ATP2B2: variants seen among roughly 807,000 people sequenced by gnomAD.
The protein encoded by ATP2B2 is plasma membrane calcium-transporting ATPase 2.
A neutral mutation model predicts 120.0 loss-of-function variants in ATP2B2; 15 were observed. The observed-to-expected ratio is 0.12, with a 90% CI of 0.08 to 0.19. ATP2B2 has a LOEUF of 0.19. Ranked by LOEUF, ATP2B2 falls within the 10% of genes least tolerant of loss-of-function variation. The probability of loss-of-function intolerance (pLI) is 1.00; values close to 1 mark genes in which losing one functional copy is unlikely to be tolerated. For synonymous variants in ATP2B2, 694 were observed against 700.3 expected, an observed-to-expected ratio of 0.99 and a Z score of 0.14; for missense variants, 1,045 against 1,719.8, an observed-to-expected ratio of 0.61 and a Z score of 6.94.
chr3:10,326,698 A>T lies in ATP2B2; in HGVS notation c.*2116T>A, dbSNP rs1418951620. On this transcript the variant is annotated 3_prime_UTR_variant, in exon 23 of 23. Transcript: ENST00000360273. ...GTTATGCAGTTCCTCTCCTGGATACATTCAGAGATACTTCTTCACGACATT... is the reference window on the plus strand; with the variant it reads ...GTTATGCAGTTCCTCTCCTGGATACTTTCAGAGATACTTCTTCACGACATT... 2.5e-6 allele frequency: 1 copy of T among 398,924 alleles called. No homozygotes were observed. The highest frequency in any genetic ancestry group is 2.1e-5 in the African/African-American group (1 of 48,612). The allele number at this position is 398,924 out of a possible 1,614,324, so 24.7% of individuals were successfully genotyped here. A position where few individuals can be genotyped will look rare whatever the true frequency, so the allele number is the denominator to read the frequency against.
intron 2 of ATP2B2, among the ~76,000 whole-genome samples, chr3:10,556,585 GAGA>G (rs1244133294): frequency 6.6e-6 from 1 of 152,180 alleles, no homozygotes; most frequent in East Asian, 1.9e-4. Context: ...CAGATGTTTG[GAGA>G]AGAAGGCTCC....
chr3:10,480,148 G>A lies in ATP2B2; in HGVS notation c.-320+25317C>T, dbSNP rs116739510. 5.6e-3 allele frequency among the ~76,000 whole-genome samples: 851 copies of A among 152,252 alleles called. 11 individuals are homozygous for A. Among genetic ancestry groups the A allele is most frequent in the Admixed American group, 0.015 (228 of 15,300 alleles). On this transcript the variant is annotated intron_variant, in intron 1 of 22. Coordinates refer to ENST00000360273, the MANE Select transcript of ATP2B2 (RefSeq NM_001001331.4). Reference sequence around the variant, plus strand: ...TTCTCAGATCCCTTGGAACTATAACGTTCTCCAGGGGGAAGGGTGTATTCA... The same window carrying A: ...TTCTCAGATCCCTTGGAACTATAACATTCTCCAGGGGGAAGGGTGTATTCA...
intron 2 of ATP2B2, among the ~76,000 whole-genome samples, chr3:10,536,329 G>A (rs2067313961): frequency 7.1e-6 from 1 of 139,908 alleles, no homozygotes; most frequent in Admixed American, 7.1e-5. Context: ...CCTTGTCACA[G>A]GATTTTTTTT....
chr3:10,394,351 T>A, intron 5 of ATP2B2: 1 of 448,338 alleles, frequency 2.2e-6, no homozygotes, highest in East Asian at 7.1e-5. Flanking sequence ...AGGCAAAGTG[T>A]CCCCCTCACA....
rs1337317943 is a variant in ATP2B2, at chr3:10,346,426, C to T, written c.2405-289G>A. On this transcript the variant is annotated intron_variant, in intron 16 of 22. Transcript: ENST00000360273. This position sits in a 1 kb window ranked among gnomAD's most constrained non-coding sequence, Gnocchi z 4.1. ...CTGCAACCTGTGGCCACATTGGCATCCATCCTAACCAGAAACACTGTATCC... is the reference window on the plus strand; with the variant it reads ...CTGCAACCTGTGGCCACATTGGCATTCATCCTAACCAGAAACACTGTATCC... Among the ~76,000 whole-genome samples the T allele has an allele frequency of 6.6e-6, 1 of 152,232 alleles. No individual in the cohort carries two copies. Among genetic ancestry groups the T allele is most frequent in the Non-Finnish European group, 1.5e-5 (1 of 68,032 alleles).
chr3:10,545,991 G>A (rs112703974), intron 2 of ATP2B2, among the ~76,000 whole-genome samples: 2,522 of 152,324 alleles, frequency 0.017, 25 homozygotes, highest in Middle Eastern at 0.085. Flanking sequence ...TGCAAAACAA[G>A]ATATAAGGGG....
At position 10,328,429 on chromosome 3, in the gene ATP2B2, A is replaced by G. The variant is rs1213133818; in HGVS notation, c.*385T>C. Reference sequence around the variant, plus strand: ...TAAGAAAACAAACAAACAAACAAAAACCCCTCCCCAACCCCCAAAAACCAA... The same window carrying G: ...TAAGAAAACAAACAAACAAACAAAAGCCCCTCCCCAACCCCCAAAAACCAA... On this transcript the variant is annotated 3_prime_UTR_variant, in exon 23 of 23. Transcript: ENST00000360273. 1 of 199,766 alleles carries G rather than the reference A, an allele frequency of 5.0e-6. No individual in the cohort carries two copies. The highest frequency in any genetic ancestry group is 5.3e-5 in the Admixed American group (1 of 18,838). The allele number at this position is 199,766 out of a possible 1,614,324, so 12.4% of individuals were successfully genotyped here.
chr3:10,379,915 C>G (rs1223005918), intron 8 of ATP2B2, among the ~76,000 whole-genome samples: 4 of 152,104 alleles, frequency 2.6e-5, no homozygotes, highest in Non-Finnish European at 5.9e-5. Flanking sequence ...GAGTGTGAAG[C>G]CACCCAAGGA....
At chr3:10,536,684 G>A (rs1328877019) in intron 2 of ATP2B2, among the ~76,000 whole-genome samples, 1 of 152,010 alleles carries the variant, frequency 6.6e-6, no homozygotes, top group Non-Finnish European at 1.5e-5. Flanking sequence ...GCACCACTAT[G>A]CCCAGCTAAT....
chr3:10,442,904 G>A lies in ATP2B2; in HGVS notation c.199+6441C>T, dbSNP rs1379096106. ...GACCCTATGAAAGAGGCACTGTTAT[G>A]ACCTCATGTTACAGATGAAGAAACT... On this transcript the variant is annotated intron_variant, in intron 2 of 22. Transcript: ENST00000360273. Among the ~76,000 whole-genome samples, 3 of 152,322 alleles carry A rather than the reference G, an allele frequency of 2.0e-5. No homozygotes were observed. The East Asian group carries it at 5.8e-4, about 29-fold the overall frequency.
At chr3:10,421,124 C>T (rs1308865251) in intron 2 of ATP2B2, among the ~76,000 whole-genome samples, 2 of 152,156 alleles carry the variant, frequency 1.3e-5, no homozygotes, top group East Asian at 1.9e-4. Flanking sequence ...AATGGGGATA[C>T]AGGCTCAGGT....
At chr3:10,529,303 C>T (rs2125470900) in intron 3 of ATP2B2, among the ~76,000 whole-genome samples, 1 of 152,280 alleles carries the variant, frequency 6.6e-6, no homozygotes. Context: ...CTCCCCTATC[C>T]AACAACAGCC....
intron 1 of ATP2B2, among the ~76,000 whole-genome samples, chr3:10,658,169 C>A (rs6802824): frequency 0.22 from 33,508 of 152,152 alleles, 6,181 homozygotes; most frequent in African/African-American, 0.5. Flanking sequence ...AAAGCTGAAA[C>A]TTCTAAAAAT....
chr3:10,350,340 C>A (rs1287957923), intron 15 of ATP2B2, 58 bp downstream of exon 15: 1 of 1,611,200 alleles, frequency 6.2e-7, no homozygotes, highest in Non-Finnish European at 8.5e-7. Flanking sequence ...CAGCACCCTA[C>A]CTCCCAGCTC....
At chr3:10,606,448 A>T (rs1193149510) in intron 2 of ATP2B2, among the ~76,000 whole-genome samples, 1 of 152,084 alleles carries the variant, frequency 6.6e-6, no homozygotes, top group Non-Finnish European at 1.5e-5. Context: ...GCCCCTGACC[A>T]GGGGGGTGGA....
In ATP2B2 at chr3:10,484,579, C is replaced by A. The variant is rs1322483544; in HGVS notation, c.-320+20886G>T. Among the ~76,000 whole-genome samples the A allele has an allele frequency of 3.9e-5, 6 of 152,134 alleles. No homozygotes were observed. In the East Asian group the frequency reaches 1.2e-3, roughly 29 times the overall value. ...GCCTGTCCCCAGGCTTCCCATGCTG[C>A]GTTTTCACTCCACTTGCCAGTGGGC... On this transcript the variant is annotated intron_variant, in intron 1 of 22. Coordinates refer to ENST00000360273, the MANE Select transcript of ATP2B2 (RefSeq NM_001001331.4).
intron 8 of ATP2B2, among the ~76,000 whole-genome samples, chr3:10,380,487 C>T (rs1201511811): frequency 6.6e-6 from 1 of 152,194 alleles, no homozygotes; most frequent in Non-Finnish European, 1.5e-5. Flanking sequence ...CTAATCCTCG[C>T]CACAGCCTCA....
intron 2 of ATP2B2, among the ~76,000 whole-genome samples, chr3:10,606,908 CACACAGAGAGAG>C (rs1301986473): frequency 8.1e-3 from 227 of 28,184 alleles, no homozygotes; most frequent in African/African-American, 0.024. Context: ...CACACACACA[CACACAGAGAGAG>C]AGAGAGAGAG....
At chr3:10,689,432 C>T (rs2071603970) in intron 1 of ATP2B2, among the ~76,000 whole-genome samples, 1 of 152,136 alleles carries the variant, frequency 6.6e-6, no homozygotes, top group South Asian at 2.1e-4. Flanking sequence ...TAGAATAATT[C>T]AGTGTTTCCC....
Sources: gnomAD v4.1 joint callset for allele counts (sites outside exome capture counted in the v4.1 genomes callset) on GRCh38, gnomAD v4.1.1 for gene constraint, Gnocchi (gnomAD v3.1) non-coding constraint, MANE v1.5 for transcripts, NCBI Gene and HGNC (gene_info 2026-07-23, HGNC 2026-07-21) for gene names.